Variants in SPAG16 observed in about 807,000 individuals in gnomAD.
SPAG16 encodes the protein sperm-associated antigen 16 protein.
Under a neutral mutation model 80.4 loss-of-function variants are expected in SPAG16, and 86 were observed. That is an observed-to-expected ratio of 1.07 (90% CI 0.90 to 1.28). The LOEUF is 1.28. SPAG16 is among the 50% of genes most tolerant of loss of function. SPAG16 has a pLI of 0.00. For missense variants in SPAG16, 870 were observed against 765.3 expected, an observed-to-expected ratio of 1.14 and a Z score of -1.61; for synonymous variants, 294 against 265.9, an observed-to-expected ratio of 1.11 and a Z score of -1.03.
intron 9 of SPAG16, among the ~76,000 whole-genome samples, chr2:213,471,050 T>G (rs1181467415): frequency 6.6e-6 from 1 of 152,236 alleles, no homozygotes; most frequent in Non-Finnish European, 1.5e-5. Flanking sequence ...CTCAAAGTTC[T>G]GCCTACTGGG....
intron 10 of SPAG16, among the ~76,000 whole-genome samples, chr2:213,766,832 C>A (rs1157500199): frequency 1.3e-5 from 2 of 152,154 alleles, no homozygotes; most frequent in Admixed American, 1.3e-4. Context: ...GAATAGCTAG[C>A]TAGAGAGGAC....
rs564974085 is a variant in SPAG16, at chr2:213,793,271, T to C, written c.1071-69214T>C. Among the ~76,000 whole-genome samples the C allele has an allele frequency of 1.6e-4, 24 of 152,076 alleles. 2 individuals carry two copies. Among genetic ancestry groups the C allele is most frequent in the African/African-American group, 5.8e-4 (24 of 41,504 alleles). On this transcript the variant is annotated intron_variant, in intron 10 of 15. Coordinates refer to ENST00000331683, the MANE Select transcript of SPAG16 (RefSeq NM_024532.5). ...GTTTTTCTCCTTTAGATTCTTACTG[T>C]CAATATTTTGTTATTCCTATCAAAC...
chr2:214,341,693 C>G (rs1271360848), intron 15 of SPAG16, among the ~76,000 whole-genome samples: 1 of 152,072 alleles, frequency 6.6e-6, no homozygotes, highest in Non-Finnish European at 1.5e-5. Flanking sequence ...ACTTATCAAC[C>G]CTGAAGCAAT....
At chr2:213,713,505 TGAA>T (rs1302166966) in intron 10 of SPAG16, among the ~76,000 whole-genome samples, 2 of 152,202 alleles carry the variant, frequency 1.3e-5, no homozygotes, top group Non-Finnish European at 2.9e-5. Context: ...GAGGATTCTC[TGAA>T]GAAGTCACAA....
intron 10 of SPAG16, among the ~76,000 whole-genome samples, chr2:213,647,247 A>G (rs1331210219): frequency 6.6e-6 from 1 of 152,180 alleles, no homozygotes; most frequent in African/African-American, 2.4e-5. Context: ...AAAAACAGAC[A>G]GCCATGCATG....
intron 15 of SPAG16, among the ~76,000 whole-genome samples, chr2:214,216,558 G>C (rs1553529937): frequency 6.6e-6 from 1 of 152,160 alleles, no homozygotes; most frequent in African/African-American, 2.4e-5. Flanking sequence ...CTGACCTCTT[G>C]ATCTGCCCGC....
chr2:213,833,558 A>T (rs28650098), intron 10 of SPAG16, among the ~76,000 whole-genome samples: 291 of 704 alleles, frequency 0.41, 90 homozygotes, highest in South Asian at 0.58. Context: ...AATATATATA[A>T]TATATATAAT....
chr2:214,347,647 A>G (rs375290117), intron 15 of SPAG16, among the ~76,000 whole-genome samples: 12 of 152,338 alleles, frequency 7.9e-5, no homozygotes, highest in African/African-American at 2.9e-4. Flanking sequence ...TATCCTGACG[A>G]TATTATCACA....
rs143827159 is a variant in SPAG16 at position 213,591,173 on chromosome 2, A to T, written c.1070+101083A>T. 1.5e-3 allele frequency among the ~76,000 whole-genome samples: 222 copies of T among 152,332 alleles called. 1 individual carries two copies. Among genetic ancestry groups the T allele is most frequent in the Non-Finnish European group, 2.4e-3 (165 of 68,022 alleles). ...CTTTATCTTCTAGGTTATAGGAAGCATTATGATCTGTCACTTAAGCTATAT... is the reference window on the plus strand; with the variant it reads ...CTTTATCTTCTAGGTTATAGGAAGCTTTATGATCTGTCACTTAAGCTATAT... On this transcript the variant is annotated intron_variant, in intron 10 of 15. Transcript: ENST00000331683.
intron 15 of SPAG16, among the ~76,000 whole-genome samples, chr2:214,154,413 A>G (rs954501328): frequency 6.6e-6 from 1 of 152,048 alleles, no homozygotes; most frequent in Non-Finnish European, 1.5e-5. Flanking sequence ...GTTTCCCAAC[A>G]TTATGTTCTC....
chr2:213,284,997 C>T (rs1244477486), intron 1 of SPAG16, among the ~76,000 whole-genome samples: 1 of 152,184 alleles, frequency 6.6e-6, no homozygotes, highest in African/African-American at 2.4e-5. Context: ...AGAAAGCCGT[C>T]CCAATAAATT....
At chr2:213,427,672 A>G (rs913177638) in intron 9 of SPAG16, among the ~76,000 whole-genome samples, 6 of 152,224 alleles carry the variant, frequency 3.9e-5, no homozygotes, top group Non-Finnish European at 8.8e-5. Context: ...AATGATCTTT[A>G]TCTACATATT....
intron 9 of SPAG16, among the ~76,000 whole-genome samples, chr2:213,416,895 G>A (rs1302253518): frequency 6.6e-6 from 1 of 152,232 alleles, no homozygotes; most frequent in Non-Finnish European, 1.5e-5. Context: ...TTAGGCCAGA[G>A]CCTTTACTGA....
At chr2:213,422,299 A>G in intron 9 of SPAG16, 1 of 701,994 alleles carries the variant, frequency 1.4e-6, no homozygotes, top group Non-Finnish European at 2.6e-6. Context: ...CCCACAGCAG[A>G]AGTTGCTTGG....
chr2:213,876,337 G>T (rs1424660032), intron 11 of SPAG16, among the ~76,000 whole-genome samples: 3 of 143,764 alleles, frequency 2.1e-5, no homozygotes, highest in African/African-American at 7.6e-5. Flanking sequence ...GAAAAGAAAA[G>T]AAAAAGAATC....
intron 10 of SPAG16, among the ~76,000 whole-genome samples, chr2:213,664,177 A>G (rs550347404): frequency 1.7e-4 from 26 of 151,908 alleles, no homozygotes; most frequent in Non-Finnish European, 1.9e-4. Context: ...TCTGTCACTG[A>G]CCCGTTGGTA....
chr2:214,057,149 A>G (rs1227267532), intron 13 of SPAG16, among the ~76,000 whole-genome samples: 2 of 149,784 alleles, frequency 1.3e-5, no homozygotes, highest in South Asian at 2.1e-4. Context: ...TGAATCTTGA[A>G]TGTTCCTTTC....
chr2:213,556,312 C>CAA lies in SPAG16; in HGVS notation c.1070+66236_1070+66237dup, dbSNP rs35010847. On this transcript the variant is annotated intron_variant, in intron 10 of 15. Coordinates refer to ENST00000331683, the MANE Select transcript of SPAG16 (RefSeq NM_024532.5). The stretch of plus-strand genomic sequence containing the variant: ...CTGAATGGGTCAAAAAAAAAAAAAC[C>CAA]AAAAAAAAAAAAAAACAAGATCTAA... Among the ~76,000 whole-genome samples, 710 of 112,736 alleles carry CAA rather than the reference C, an allele frequency of 6.3e-3. 5 individuals are homozygous for CAA. The highest frequency in any genetic ancestry group is 9.3e-3 in the Non-Finnish European group (523 of 55,960). 74.0% of individuals were successfully genotyped at this position (112,736 alleles called of 152,430 possible).
chr2:213,534,552 T>C (rs977452348), intron 10 of SPAG16, among the ~76,000 whole-genome samples: 3 of 152,018 alleles, frequency 2.0e-5, no homozygotes, highest in Non-Finnish European at 4.4e-5. Flanking sequence ...AACTCAGGAT[T>C]AAAAGGAATA....
Sources: allele counts gnomAD v4.1 joint callset (sites outside exome capture counted in the v4.1 genomes callset), GRCh38; gene constraint gnomAD v4.1.1; transcripts MANE v1.5; gene names NCBI Gene and HGNC (gene_info 2026-07-23, HGNC 2026-07-21).